Variants in MYO7B observed in about 807,000 individuals in gnomAD.
The protein encoded by MYO7B is myosin VIIB, also known as unconventional myosin-VIIb.
In MYO7B, 212 loss-of-function variants were observed where a neutral mutation model predicts 259.7. The observed-to-expected ratio is 0.82, with a 90% CI of 0.73 to 0.91. The LOEUF (loss-of-function observed/expected upper bound fraction) is 0.91, where lower values mean the gene tolerates loss of function less well. Ranked by LOEUF, MYO7B falls within the 40% of genes least tolerant of loss-of-function variation. The probability of loss-of-function intolerance (pLI) is 0.00; values close to 1 mark genes in which losing one functional copy is unlikely to be tolerated. For synonymous variants in MYO7B, 1,197 were observed against 1,166.4 expected, an observed-to-expected ratio of 1.03 and a Z score of -0.54; for missense variants, 2,732 against 2,813.5, an observed-to-expected ratio of 0.97 and a Z score of 0.66.
intron 1 of MYO7B, among the ~76,000 whole-genome samples, chr2:127,549,916 G>A (rs1693383650): frequency 6.6e-6 from 1 of 152,164 alleles, no homozygotes; most frequent in Non-Finnish European, 1.5e-5. Context: ...CTGCAAAAAG[G>A]CAGAGACAGG....
Position 127,582,094 on chromosome 2 carries a change from G to C in MYO7B, c.1200+84G>C. ...TGCTGTGCCGGTGGAGGGCAGGATG[G>C]AGCAGAGGGCCCTGGGCAGGTCCCC... On this transcript the variant is annotated intron_variant, in intron 11 of 47. Transcript: ENST00000409816. 4 of 1,591,600 alleles carry C rather than the reference G, an allele frequency of 2.5e-6. No individual in the cohort carries two copies. In the South Asian group the frequency reaches 3.4e-5, roughly 14 times the overall value.
At chr2:127,618,652 T>TCACTCTTTCGGCCTG (rs1192493314) in intron 26 of MYO7B, among the ~76,000 whole-genome samples, 1 of 152,236 alleles carries the variant, frequency 6.6e-6, no homozygotes, top group Non-Finnish European at 1.5e-5. Flanking sequence ...ATCACGACCC[T>TCACTCTTTCGGCCTG]CACTCTTTCG....
At chr2:127,589,815 G>A (rs1679484931) in intron 15 of MYO7B, among the ~76,000 whole-genome samples, 1 of 129,108 alleles carries the variant, frequency 7.7e-6, no homozygotes, top group African/African-American at 2.9e-5. Context: ...GATGGGTGCT[G>A]GGTAGGTGGA....
At position 127,590,308 on chromosome 2, in the gene MYO7B, C is replaced by G. The variant is rs1327045663; in HGVS notation, c.1992+79C>G. On this transcript the variant is annotated intron_variant, in intron 16 of 47. Transcript: ENST00000409816. The surrounding 1 kb of genome is among the most constrained non-coding windows in gnomAD (Gnocchi z 4.6). ...GCCTCTAGGGTTGTGGTCACTCCCT[C>G]TGCCAGGGCCTGGCTAGCGTTAGAG... The G allele has an allele frequency of 1.9e-6, 3 of 1,585,186 alleles. No individual in the cohort carries two copies. In the African/African-American group the frequency reaches 4.0e-5, roughly 21 times the overall value.
At position 127,593,526 on chromosome 2, in the gene MYO7B, C is replaced by G; in HGVS notation, c.2146-20C>G. On this transcript the variant is annotated intron_variant, in intron 17 of 47. Coordinates refer to ENST00000409816, the MANE Select transcript of MYO7B (RefSeq NM_001393586.1). ...GTCTCTGCCCCACCTCCCACCGATACCCCCGTTTGGTCTTGGCAGCTGCAA... is the reference window on the plus strand; with the variant it reads ...GTCTCTGCCCCACCTCCCACCGATAGCCCCGTTTGGTCTTGGCAGCTGCAA... 1 of 1,610,042 alleles carries G rather than the reference C, an allele frequency of 6.2e-7. No homozygotes were observed. Among genetic ancestry groups the G allele is most frequent in the Non-Finnish European group, 8.5e-7 (1 of 1,177,534 alleles).
intron 19 of MYO7B, among the ~76,000 whole-genome samples, chr2:127,604,194 T>G (rs530591846): frequency 6.6e-6 from 1 of 152,350 alleles, no homozygotes; most frequent in East Asian, 1.9e-4. Flanking sequence ...CTTAGCTAGA[T>G]CTTCTGGATA....
intron 1 of MYO7B, among the ~76,000 whole-genome samples, chr2:127,547,527 A>T (rs1246208621): frequency 6.6e-6 from 1 of 152,210 alleles, no homozygotes; most frequent in African/African-American, 2.4e-5. Context: ...GTAAGATACA[A>T]GGTGGGCTGA....
chr2:127,626,894 A>G, intron 31 of MYO7B, 81 bp from the exon 32 acceptor site: 5 of 1,294,902 alleles, frequency 3.9e-6, no homozygotes, highest in Non-Finnish European at 5.4e-6. Context: ...AGGATCCATC[A>G]ACTCTTTTAC....
chr2:127,559,858 C>A lies in MYO7B; in HGVS notation c.18+118C>A. On this transcript the variant is annotated intron_variant, in intron 2 of 47. Coordinates refer to ENST00000409816, the MANE Select transcript of MYO7B (RefSeq NM_001393586.1). This position sits in a 1 kb window ranked among gnomAD's most constrained non-coding sequence, Gnocchi z 4.1. ...AGACCCTATAGGAAAATACCAGAGA[C>A]AGGGGAGTTTAGGAAACACGACAGA... is the stretch of plus-strand genomic sequence containing the variant. 1 of 1,233,474 alleles carries A rather than the reference C, an allele frequency of 8.1e-7. No individual in the cohort carries two copies. Among genetic ancestry groups the A allele is most frequent in the Non-Finnish European group, 1.2e-6 (1 of 837,630 alleles). The allele number at this position is 1,233,474 out of a possible 1,614,324, so 76.4% of individuals were successfully genotyped here.
rs1337739439 is a variant in MYO7B, at chr2:127,615,162, A to G, written c.3398+2559A>G. 2.0e-5 allele frequency among the ~76,000 whole-genome samples: 3 copies of G among 152,172 alleles called. No individual in the cohort carries two copies. Among genetic ancestry groups the G allele is most frequent in the African/African-American group, 4.8e-5 (2 of 41,452 alleles). On this transcript the variant is annotated intron_variant, in intron 26 of 47. Coordinates refer to ENST00000409816, the MANE Select transcript of MYO7B (RefSeq NM_001393586.1). The surrounding 1 kb of genome is among the most constrained non-coding windows in gnomAD (Gnocchi z 4.4). ...CCAGTGCTAAGATGGAGGTCTGTTC[A>G]GGGCCCCACAGGTGCACCAAGGAGG...
chr2:127,596,189 C>T (rs1476819753), intron 18 of MYO7B, among the ~76,000 whole-genome samples: 1 of 152,140 alleles, frequency 6.6e-6, no homozygotes, highest in East Asian at 1.9e-4. Flanking sequence ...TTTTGTGCCC[C>T]CTCTTGAATT....
At chr2:127,592,702 C>A in intron 16 of MYO7B, 92 bp from the exon 17 acceptor site, 1 of 1,497,584 alleles carries the variant, frequency 6.7e-7, no homozygotes, top group South Asian at 1.3e-5. Context: ...TGACCTCTGG[C>A]TGTGGGCCCG....
rs1679519559 is a variant in MYO7B, at chr2:127,590,590, A to T, written c.1992+361A>T. Among the ~76,000 whole-genome samples the T allele has an allele frequency of 6.6e-6, 1 of 152,222 alleles. No individual in the cohort carries two copies. Among genetic ancestry groups the T allele is most frequent in the South Asian group, 2.1e-4 (1 of 4,832 alleles). On this transcript the variant is annotated intron_variant, in intron 16 of 47. Transcript: ENST00000409816. This position sits in a 1 kb window ranked among gnomAD's most constrained non-coding sequence, Gnocchi z 4.6. ...ATGAGGTTTGCAGTACATGTCCCAT[A>T]TGTAAACCACACTCAACAAAGGCAG...
At position 127,625,546 on chromosome 2, in the gene MYO7B, A is replaced by G. The variant is rs755771373; in HGVS notation, c.4215+11A>G. 15 of 1,588,676 alleles carry G rather than the reference A, an allele frequency of 9.4e-6. No homozygotes were observed. The South Asian group carries it at 1.6e-4, about 17-fold the overall frequency. On this transcript the variant is annotated intron_variant, in intron 31 of 47. Transcript: ENST00000409816. Reference sequence around the variant, plus strand: ...GCCGCCTGCGCCAAGGTCAGCCTGCATGCAGCTCAGGCACCCACCCGAGGG... The same window carrying G: ...GCCGCCTGCGCCAAGGTCAGCCTGCGTGCAGCTCAGGCACCCACCCGAGGG...
At chr2:127,630,637 G>A in intron 35 of MYO7B, 141 bp from the exon 36 acceptor site, 1 of 1,149,752 alleles carries the variant, frequency 8.7e-7, no homozygotes, top group Non-Finnish European at 1.2e-6. Flanking sequence ...GCAGGTGACA[G>A]GGGTGTGGGT....
chr2:127,543,391 A>C (rs975523299), intron 1 of MYO7B, among the ~76,000 whole-genome samples: 1 of 152,110 alleles, frequency 6.6e-6, no homozygotes, highest in Admixed American at 6.5e-5. Context: ...TCAACACAGC[A>C]CATGTTTCTG....
rs1447762357 is a variant in MYO7B, at chr2:127,577,022, A to G, written c.849+314A>G. On this transcript the variant is annotated intron_variant, in intron 8 of 47. Transcript: ENST00000409816. The surrounding 1 kb of genome is among the most constrained non-coding windows in gnomAD (Gnocchi z 5.2). ...CAGTGGGCCACAGGGAGTTGCCCAC[A>G]TGCCTCCTGCTCCTGATTTCACTCC... is the stretch of plus-strand genomic sequence containing the variant. Among the ~76,000 whole-genome samples, 8 of 151,888 alleles carry G rather than the reference A, an allele frequency of 5.3e-5. No individual in the cohort carries two copies. Among genetic ancestry groups the G allele is most frequent in the Non-Finnish European group, 1.2e-4 (8 of 67,936 alleles).
chr2:127,575,617 T>A (rs1678837153), intron 7 of MYO7B, among the ~76,000 whole-genome samples: 2 of 152,016 alleles, frequency 1.3e-5, no homozygotes, highest in Admixed American at 6.6e-5. Context: ...ATAGATATAC[T>A]ATAAGTAAAT....
chr2:127,602,087 CCTTT>C (rs1444380893), intron 19 of MYO7B, among the ~76,000 whole-genome samples: 3 of 151,690 alleles, frequency 2.0e-5, no homozygotes, highest in Admixed American at 1.3e-4. Context: ...CTTTTTCTTG[CCTTT>C]CTATGACTTA....
Sources: allele counts gnomAD v4.1 joint callset (sites outside exome capture counted in the v4.1 genomes callset), GRCh38; gene constraint gnomAD v4.1.1; non-coding constraint Gnocchi (gnomAD v3.1); transcripts MANE v1.5; gene names NCBI Gene and HGNC (gene_info 2026-07-23, HGNC 2026-07-21).